Variants in KCNK5 observed in about 807,000 individuals in gnomAD.
KCNK5 encodes potassium channel subfamily K member 5.
A neutral mutation model predicts 32.9 loss-of-function variants in KCNK5; 18 were observed. That is an observed-to-expected ratio of 0.55 (90% CI 0.38 to 0.81). The LOEUF (loss-of-function observed/expected upper bound fraction) is 0.81, where lower values mean the gene tolerates loss of function less well. Among genes scored for constraint, KCNK5 ranks in the 30% least tolerant of loss-of-function variants. The pLI, the probability that KCNK5 is intolerant of heterozygous loss-of-function variation, is 0.00. For synonymous variants in KCNK5, 276 were observed against 275.3 expected, an observed-to-expected ratio of 1.00 and a Z score of -0.03; for missense variants, 507 against 651.0, an observed-to-expected ratio of 0.78 and a Z score of 2.41.
rs1247204942 is a variant in KCNK5 at position 39,194,930 on chromosome 6, G to A, written c.299-170C>T. On this transcript the variant is annotated intron_variant, in intron 2 of 4. Transcript: ENST00000359534. The surrounding 1 kb of genome is among the most constrained non-coding windows in gnomAD (Gnocchi z 4.7). ...TACTCTGATCATGATCATTGATAAA[G>A]CAATTATGATGACATGAGCTGTATC... 1.3e-5 allele frequency among the ~76,000 whole-genome samples: 2 copies of A among 152,162 alleles called. No individual in the cohort carries two copies. The highest frequency in any genetic ancestry group is 1.9e-4 in the East Asian group (1 of 5,200).
chr6:39,216,307 A>C (rs545965219), intron 1 of KCNK5, among the ~76,000 whole-genome samples: 1 of 152,224 alleles, frequency 6.6e-6, no homozygotes, highest in South Asian at 2.1e-4. Flanking sequence ...AACAAAACAA[A>C]AACAAAAAAA....
intron 1 of KCNK5, among the ~76,000 whole-genome samples, chr6:39,196,634 C>T (rs1451849594): frequency 1.3e-5 from 2 of 152,216 alleles, no homozygotes; most frequent in Admixed American, 1.3e-4. Context: ...GCAGGTCCTC[C>T]TTTCCCCCAG....
At chr6:39,205,704 C>G (rs1159928499) in intron 1 of KCNK5, among the ~76,000 whole-genome samples, 1 of 152,172 alleles carries the variant, frequency 6.6e-6, no homozygotes, top group Admixed American at 6.5e-5. Context: ...GGACAGGAAA[C>G]AGTTTTAGCT....
At chr6:39,218,965 C>T (rs1281149890) in intron 1 of KCNK5, among the ~76,000 whole-genome samples, 4 of 152,204 alleles carry the variant, frequency 2.6e-5, no homozygotes, top group African/African-American at 7.2e-5. Flanking sequence ...GGGACCAGGG[C>T]TGATTCTCTT....
At chr6:39,211,021 C>T (rs568019657) in intron 1 of KCNK5, among the ~76,000 whole-genome samples, 3 of 152,148 alleles carry the variant, frequency 2.0e-5, no homozygotes, top group Admixed American at 2.0e-4. Context: ...CCACCATGGG[C>T]CCTAAAAAAA....
chr6:39,202,358 G>A (rs919622845), intron 1 of KCNK5, among the ~76,000 whole-genome samples: 2 of 152,144 alleles, frequency 1.3e-5, no homozygotes, highest in African/African-American at 2.4e-5. Flanking sequence ...AGACCCCAGC[G>A]GCGGCGGGGC....
At chr6:39,216,200 G>A (rs962342029) in intron 1 of KCNK5, among the ~76,000 whole-genome samples, 2 of 152,162 alleles carry the variant, frequency 1.3e-5, no homozygotes, top group African/African-American at 2.4e-5. Context: ...CTGGAGAATC[G>A]CTTGAACCTG....
chr6:39,224,162 T>C (rs527684680), intron 1 of KCNK5, among the ~76,000 whole-genome samples: 2 of 151,688 alleles, frequency 1.3e-5, no homozygotes, highest in South Asian at 4.2e-4. Context: ...AGGGACCTCT[T>C]CAATTTCCTC....
Position 39,190,996 on chromosome 6 carries a change from G to A in KCNK5, c.1394C>T (p.Pro465Leu), listed in dbSNP as rs770248541. 9 of 1,575,718 alleles carry A rather than the reference G, an allele frequency of 5.7e-6. No individual in the cohort carries two copies. The African/African-American group carries it at 1.1e-4, about 19-fold the overall frequency. ...GGTGAAGGTGGACTCGGAGGAGGAG[G>A]GGAACTCGCCCATGTTCAGGGGCGC... ...AKAPLNMGEF[P>L]SSSESTFTST... The change falls in exon 5 of 5, where the codon CCC (proline) becomes CTC (leucine). Residue 465 changes from proline to leucine, a missense_variant. Coordinates refer to ENST00000359534, the MANE Select transcript of KCNK5 (RefSeq NM_003740.4).
chr6:39,204,490 TAGCTCATCAGTCACC>T (rs1178730632), intron 1 of KCNK5, among the ~76,000 whole-genome samples: 1 of 152,226 alleles, frequency 6.6e-6, no homozygotes, highest in Admixed American at 6.5e-5. Context: ...CCTCAGGACT[TAGCTCATCAGTCACC>T]ATACTACTTC....
chr6:39,228,506 C>T (rs1771712409), intron 1 of KCNK5, among the ~76,000 whole-genome samples: 1 of 152,144 alleles, frequency 6.6e-6, no homozygotes, highest in African/African-American at 2.4e-5. Flanking sequence ...GTGGCACTGG[C>T]CCTGGAGCGG....
rs938149442 is a variant in KCNK5 at position 39,191,863 on chromosome 6, G to C, written c.635-108C>G. The C allele has an allele frequency of 2.1e-5, 26 of 1,220,472 alleles. No homozygotes were observed. Among genetic ancestry groups the C allele is most frequent in the Middle Eastern group, 5.8e-4 (2 of 3,468 alleles). 75.6% of individuals were successfully genotyped at this position (1,220,472 alleles called of 1,614,324 possible). A position where few individuals can be genotyped will look rare whatever the true frequency, so the allele number is the denominator to read the frequency against. ...CAGGGGTCAGGCCAGAGCACAGGAC[G>C]GGGGTGCAGTGGGATAGAAAGGGGC... On this transcript the variant is annotated intron_variant, in intron 4 of 4. Transcript: ENST00000359534. This position sits in a 1 kb window ranked among gnomAD's most constrained non-coding sequence, Gnocchi z 5.8.
chr6:39,216,999 T>C (rs1280694663), intron 1 of KCNK5, among the ~76,000 whole-genome samples: 1 of 151,148 alleles, frequency 6.6e-6, no homozygotes, highest in African/African-American at 2.4e-5. Context: ...CACATGCCTG[T>C]AATCCCAGCT....
intron 1 of KCNK5, among the ~76,000 whole-genome samples, chr6:39,199,985 T>G (rs1342269258): frequency 6.6e-6 from 1 of 152,202 alleles, no homozygotes; most frequent in Non-Finnish European, 1.5e-5. Flanking sequence ...TGTGGATACC[T>G]CACTGATCAT....
At chr6:39,201,130 C>G (rs900266448) in intron 1 of KCNK5, among the ~76,000 whole-genome samples, 1 of 152,226 alleles carries the variant, frequency 6.6e-6, no homozygotes, top group Admixed American at 6.5e-5. Context: ...CAGTCTTCCT[C>G]CATTCCAGCC....
intron 4 of KCNK5, among the ~76,000 whole-genome samples, chr6:39,192,945 C>T (rs74791317): frequency 0.04 from 6,073 of 152,252 alleles, 167 homozygotes; most frequent in South Asian, 0.099. Context: ...TCTCCTCCCA[C>T]GACCGGGCTC....
intron 1 of KCNK5, among the ~76,000 whole-genome samples, chr6:39,210,375 T>G (rs552012919): frequency 6.6e-6 from 1 of 152,196 alleles, no homozygotes; most frequent in Admixed American, 6.5e-5. Flanking sequence ...GGCAAGGTGG[T>G]AGAACAGGGG....
At position 39,217,797 on chromosome 6, in the gene KCNK5, T is replaced by C. The variant is rs914912151; in HGVS notation, c.186+11129A>G. Among the ~76,000 whole-genome samples, 9 of 152,314 alleles carry C rather than the reference T, an allele frequency of 5.9e-5. No homozygotes were observed. In the East Asian group the frequency reaches 1.4e-3, roughly 23 times the overall value. On this transcript the variant is annotated intron_variant, in intron 1 of 4. Coordinates refer to ENST00000359534, the MANE Select transcript of KCNK5 (RefSeq NM_003740.4). The stretch of plus-strand genomic sequence containing the variant: ...ACGCAGGAGGAGCAAAGTCCAGGGC[T>C]GGAGAGACTCCCTGGGGAGCAGGGA...
At position 39,189,472 on chromosome 6, in the gene KCNK5, C is replaced by T. The variant is rs1770881211; in HGVS notation, c.*1418G>A. The T allele has an allele frequency of 6.6e-6, 1 of 152,598 alleles. No individual in the cohort carries two copies. Among genetic ancestry groups the T allele is most frequent in the African/African-American group, 2.4e-5 (1 of 41,426 alleles). 9.5% of individuals were successfully genotyped at this position (152,598 alleles called of 1,614,324 possible). ...GCAGGAGGGCAGACACTAGATCTCC[C>T]AATCCTTGGGACCCTGCTCTTTAAC... On this transcript the variant is annotated 3_prime_UTR_variant, in exon 5 of 5. Coordinates refer to ENST00000359534, the MANE Select transcript of KCNK5 (RefSeq NM_003740.4).
Sources: gnomAD v4.1 joint callset for allele counts (sites outside exome capture counted in the v4.1 genomes callset) on GRCh38, gnomAD v4.1.1 for gene constraint, Gnocchi (gnomAD v3.1) non-coding constraint, MANE v1.5 for transcripts, NCBI Gene and HGNC (gene_info 2026-07-23, HGNC 2026-07-21) for gene names.